The following IFT88 variants were observed in gnomAD, a reference collection of about 807,000 sequenced individuals.
IFT88 encodes intraflagellar transport 88, also known as intraflagellar transport protein 88 homolog.
A neutral mutation model predicts 119.5 loss-of-function variants in IFT88; 74 were observed. The observed-to-expected ratio is 0.62, with a 90% CI of 0.51 to 0.75. The LOEUF (loss-of-function observed/expected upper bound fraction) is 0.75. Among genes scored for constraint, IFT88 ranks in the 30% least tolerant of loss-of-function variants. The pLI, the probability that IFT88 is intolerant of heterozygous loss-of-function variation, is 0.00. For missense variants in IFT88, 961 were observed against 977.7 expected (o/e 0.98, Z 0.23); for synonymous variants, 279 against 316.7 (o/e 0.88, Z 1.26).
Position 20,647,178 on chromosome 13 carries a change from C to A in IFT88, c.1949+2220C>A, listed in dbSNP as rs2050885332. Among the ~76,000 whole-genome samples, 5 of 152,202 alleles carry A rather than the reference C, an allele frequency of 3.3e-5. No homozygotes were observed. The South Asian group carries it at 1.0e-3, about 31-fold the overall frequency. ...CTACTTTTCTATAAACTTACTTCCACTTGCACCTGCTGTTATCTCCTTCTC... is the reference window on the plus strand; with the variant it reads ...CTACTTTTCTATAAACTTACTTCCAATTGCACCTGCTGTTATCTCCTTCTC... On this transcript the variant is annotated intron_variant, in intron 20 of 25. Coordinates refer to ENST00000351808, the MANE Select transcript of IFT88 (RefSeq NM_006531.5).
chr13:20,591,600 T>C lies in IFT88; in HGVS notation c.265-18T>C, dbSNP rs1414244804. The C allele has an allele frequency of 1.9e-6, 3 of 1,589,818 alleles. No homozygotes were observed. In the Admixed American group the frequency reaches 5.0e-5, roughly 27 times the overall value. On this transcript the variant is annotated intron_variant, in intron 5 of 25. Transcript: ENST00000351808. Reference sequence around the variant, plus strand: ...ATAGATCTTATTTAAGAATAAATGATTCCCATTCTCTTTAAAGGATGGAGT... The same window carrying C: ...ATAGATCTTATTTAAGAATAAATGACTCCCATTCTCTTTAAAGGATGGAGT...
At chr13:20,572,570 C>T (rs1344671412) in intron 1 of IFT88, among the ~76,000 whole-genome samples, 2 of 152,090 alleles carry the variant, frequency 1.3e-5, no homozygotes, top group Non-Finnish European at 2.9e-5. Context: ...ATTACATGTT[C>T]CCTGAAATAA....
At chr13:20,669,055 G>A (rs2055302964) in intron 23 of IFT88, among the ~76,000 whole-genome samples, 2 of 152,202 alleles carry the variant, frequency 1.3e-5, no homozygotes, top group South Asian at 4.1e-4. Flanking sequence ...AAAAGGGAAG[G>A]CACTGAACCA....
chr13:20,595,196 CA>C (rs1358617613), intron 7 of IFT88, among the ~76,000 whole-genome samples: 27 of 152,260 alleles, frequency 1.8e-4, no homozygotes, highest in African/African-American at 5.8e-4. Context: ...CCCAAGAGTT[CA>C]AGCCGTAGTG....
intron 13 of IFT88, among the ~76,000 whole-genome samples, chr13:20,612,523 A>G (rs187658362): frequency 1.3e-5 from 2 of 152,352 alleles, no homozygotes; most frequent in East Asian, 1.9e-4. Context: ...TCGTATTTTT[A>G]TGGATAGGCA....
intron 1 of IFT88, among the ~76,000 whole-genome samples, chr13:20,572,543 T>G (rs1230155359): frequency 6.6e-6 from 1 of 152,206 alleles, no homozygotes; most frequent in Admixed American, 6.5e-5. Context: ...TTATGTATTT[T>G]AAGCTAAATT....
chr13:20,691,015 T>C (rs1261285457), intron 25 of IFT88, 39 bp from the exon 26 acceptor site: 1 of 1,601,174 alleles, frequency 6.2e-7, no homozygotes, highest in East Asian at 2.2e-5. Flanking sequence ...GTTTTGTTTG[T>C]TTACATAACT....
chr13:20,610,803 C>T (rs2044359856), intron 13 of IFT88, among the ~76,000 whole-genome samples: 1 of 151,950 alleles, frequency 6.6e-6, no homozygotes, highest in Non-Finnish European at 1.5e-5. Context: ...TGGGATTTGT[C>T]CCAGGAATGT....
chr13:20,674,722 A>ATTT (rs1296479140), intron 24 of IFT88, among the ~76,000 whole-genome samples: 118 of 42,566 alleles, frequency 2.8e-3, no homozygotes, highest in East Asian at 6.2e-3. Flanking sequence ...ATATATATAT[A>ATTT]TATTTTTTTT....
rs74936818 is a variant in IFT88, at chr13:20,572,572, C to T, written c.-6-1808C>T. Among the ~76,000 whole-genome samples the T allele has an allele frequency of 9.5e-3, 1,446 of 152,228 alleles. 23 individuals carry two copies. Among genetic ancestry groups the T allele is most frequent in the African/African-American group, 0.033 (1,391 of 41,528 alleles). ...CTAAATTACAGCTATTACATGTTCCCTGAAATAACAGCATGCGTATCAATT... is the reference window on the plus strand; with the variant it reads ...CTAAATTACAGCTATTACATGTTCCTTGAAATAACAGCATGCGTATCAATT... On this transcript the variant is annotated intron_variant, in intron 1 of 25. Transcript: ENST00000351808.
At chr13:20,665,608 A>G (rs1233086413) in intron 23 of IFT88, among the ~76,000 whole-genome samples, 1 of 152,226 alleles carries the variant, frequency 6.6e-6, no homozygotes, top group Non-Finnish European at 1.5e-5. Flanking sequence ...TGTTGATTAC[A>G]TTTTCTAGGT....
At chr13:20,666,751 TA>T (rs752052676) in intron 23 of IFT88, among the ~76,000 whole-genome samples, 6 of 152,164 alleles carry the variant, frequency 3.9e-5, no homozygotes, top group Non-Finnish European at 8.8e-5. Flanking sequence ...ATGAAAACAA[TA>T]AATGTTCTTT....
chr13:20,591,368 G>C (rs1356421155), intron 5 of IFT88, among the ~76,000 whole-genome samples: 2 of 152,144 alleles, frequency 1.3e-5, no homozygotes, highest in Non-Finnish European at 2.9e-5. Flanking sequence ...CCAAAAGTAA[G>C]AGAGTAGCTG....
At chr13:20,648,231 A>G (rs1310705125) in intron 20 of IFT88, among the ~76,000 whole-genome samples, 5 of 152,098 alleles carry the variant, frequency 3.3e-5, no homozygotes, top group African/African-American at 1.2e-4. Context: ...CTCTGTCTCT[A>G]CTGAAAATAC....
intron 24 of IFT88, among the ~76,000 whole-genome samples, chr13:20,674,566 A>G (rs955491208): frequency 2.0e-5 from 3 of 151,868 alleles, no homozygotes; most frequent in Non-Finnish European, 2.9e-5. Flanking sequence ...AACTTTTCCA[A>G]TGAAAATGGA....
At chr13:20,621,667 C>T (rs751624216) in intron 14 of IFT88, among the ~76,000 whole-genome samples, 24 of 151,830 alleles carry the variant, frequency 1.6e-4, no homozygotes, top group Non-Finnish European at 2.4e-4. Flanking sequence ...TCCCCACTTC[C>T]TACCCAGAGC....
chr13:20,687,800 G>A (rs1336627723), intron 24 of IFT88, among the ~76,000 whole-genome samples: 1 of 152,154 alleles, frequency 6.6e-6, no homozygotes, highest in African/African-American at 2.4e-5. Context: ...CGGCTGAGTT[G>A]GTAGCAAAGA....
chr13:20,597,553 G>A (rs1005033672), intron 9 of IFT88, among the ~76,000 whole-genome samples: 1 of 151,986 alleles, frequency 6.6e-6, no homozygotes, highest in African/African-American at 2.4e-5. Flanking sequence ...GACCATCCTG[G>A]CTAACATGGT....
At position 20,654,531 on chromosome 13, in the gene IFT88, T is replaced by C. The variant is rs547017123; in HGVS notation, c.2002+603T>C. On this transcript the variant is annotated intron_variant, in intron 21 of 25. Coordinates refer to ENST00000351808, the MANE Select transcript of IFT88 (RefSeq NM_006531.5). ...GAGAGAAATGTGAACAAATTTATAA[T>C]CCCTCTTGTAGAGCATAAAAATGAC... Among the ~76,000 whole-genome samples, 218 of 152,292 alleles carry C rather than the reference T, an allele frequency of 1.4e-3. 1 individual carries two copies. The highest frequency in any genetic ancestry group is 3.4e-3 in the Middle Eastern group (1 of 294).
Sources: allele counts gnomAD v4.1 joint callset (sites outside exome capture counted in the v4.1 genomes callset), GRCh38; gene constraint gnomAD v4.1.1; transcripts MANE v1.5; gene names NCBI Gene and HGNC (gene_info 2026-07-23, HGNC 2026-07-21).